Variants in XPR1 observed in about 807,000 individuals in gnomAD.
XPR1 encodes solute carrier family 53 member 1.
XPR1 carries 28 observed loss-of-function variants against 87.5 expected under a neutral mutation model. That is an observed-to-expected ratio of 0.32 (90% CI 0.24 to 0.44). The LOEUF is 0.44. Ranked by LOEUF, XPR1 falls within the 20% of genes least tolerant of loss-of-function variation. XPR1 has a pLI of 1.00. For missense variants in XPR1, 559 were observed against 862.3 expected, an observed-to-expected ratio of 0.65 and a Z score of 4.41; for synonymous variants, 300 against 306.1, an observed-to-expected ratio of 0.98 and a Z score of 0.21.
intron 1 of XPR1, among the ~76,000 whole-genome samples, chr1:180,653,461 T>G (rs1655356086): frequency 6.6e-6 from 1 of 152,194 alleles, no homozygotes; most frequent in Non-Finnish European, 1.5e-5. Flanking sequence ...TTCTGTTGTC[T>G]TTCTCAAAGA....
intron 3 of XPR1, among the ~76,000 whole-genome samples, chr1:180,791,978 T>C (rs1222333812): frequency 2.0e-5 from 3 of 152,238 alleles, no homozygotes; most frequent in Non-Finnish European, 4.4e-5. Flanking sequence ...CGTCTCTTGA[T>C]GTCCTCACTG....
At chr1:180,692,002 CT>C (rs899458583) in intron 2 of XPR1, among the ~76,000 whole-genome samples, 4 of 152,078 alleles carry the variant, frequency 2.6e-5, no homozygotes, top group African/African-American at 9.7e-5. Context: ...ATCTTGTCCC[CT>C]CTCCCCAGTT....
intron 1 of XPR1, among the ~76,000 whole-genome samples, chr1:180,659,372 C>T (rs1213148710): frequency 5.9e-5 from 6 of 101,118 alleles, no homozygotes; most frequent in South Asian, 7.9e-4. Context: ...TCCTTCCGTC[C>T]GTCCTTCCGT....
intron 1 of XPR1, among the ~76,000 whole-genome samples, chr1:180,670,211 T>G (rs892178100): frequency 3.9e-5 from 6 of 152,192 alleles, no homozygotes; most frequent in African/African-American, 1.4e-4. Flanking sequence ...CATTGGAGAA[T>G]TTAATTCATT....
At chr1:180,738,183 T>C (rs1181191056) in intron 2 of XPR1, among the ~76,000 whole-genome samples, 1 of 152,096 alleles carries the variant, frequency 6.6e-6, no homozygotes, top group Non-Finnish European at 1.5e-5. Flanking sequence ...AACTAATTTT[T>C]GTATTTTTAG....
At chr1:180,795,772 A>G (rs1252384515) in intron 3 of XPR1, among the ~76,000 whole-genome samples, 1 of 152,126 alleles carries the variant, frequency 6.6e-6, no homozygotes, top group East Asian at 1.9e-4. Context: ...ACATATGTAA[A>G]AAGAGCCCTG....
rs1653053688 is a variant in XPR1 at position 180,887,583 on chromosome 1, A to C, written c.*3517A>C. 6.6e-6 allele frequency: 1 copy of C among 152,252 alleles called. No individual in the cohort carries two copies. Among genetic ancestry groups the C allele is most frequent in the Non-Finnish European group, 1.5e-5 (1 of 68,032 alleles). The allele number at this position is 152,252 out of a possible 1,614,324, so 9.4% of individuals were successfully genotyped here. ...ATTTGTAAGATTGGAAAGTAGTCAA[A>C]AACCCATGTGCAACTTTTTTTCAGC... On this transcript the variant is annotated 3_prime_UTR_variant, in exon 15 of 15. Transcript: ENST00000367590.
intron 1 of XPR1, among the ~76,000 whole-genome samples, chr1:180,656,417 A>ACAT (rs1655483488): frequency 1.3e-5 from 1 of 74,652 alleles, no homozygotes; most frequent in Non-Finnish European, 2.3e-5. Context: ...ATATATTTAT[A>ACAT]TATAAATATT....
chr1:180,797,273 C>G (rs1649621272), intron 3 of XPR1, among the ~76,000 whole-genome samples: 1 of 152,102 alleles, frequency 6.6e-6, no homozygotes. Flanking sequence ...CAAACATAAA[C>G]AAAGAATTAT....
chr1:180,661,514 T>G (rs1314798193), intron 1 of XPR1, among the ~76,000 whole-genome samples: 1 of 122,344 alleles, frequency 8.2e-6, no homozygotes, highest in Non-Finnish European at 1.8e-5. Flanking sequence ...TGTGTGTGTG[T>G]GTGTGGTATG....
At chr1:180,708,039 T>C (rs1336873135) in intron 2 of XPR1, among the ~76,000 whole-genome samples, 1 of 152,208 alleles carries the variant, frequency 6.6e-6, no homozygotes, top group African/African-American at 2.4e-5. Flanking sequence ...AAAAGCTGAA[T>C]AGACTATTTA....
In XPR1 at chr1:180,744,654, C is replaced by CT. The variant is rs71121048; in HGVS notation, c.122-43085dup. Among the ~76,000 whole-genome samples the CT allele has an allele frequency of 6.4e-4, 66 of 102,394 alleles. 1 individual carries two copies. The highest frequency in any genetic ancestry group is 2.7e-3 in the East Asian group (9 of 3,274). 67.2% of individuals were successfully genotyped at this position (102,394 alleles called of 152,430 possible). On this transcript the variant is annotated intron_variant, in intron 2 of 14. Coordinates refer to ENST00000367590, the MANE Select transcript of XPR1 (RefSeq NM_004736.4). Reference sequence around the variant, plus strand: ...GTTCAGGTTTAGGCACAATTTCTTTCTTTTTTTTTTTTTTGAGACAGAATC... The same window carrying CT: ...GTTCAGGTTTAGGCACAATTTCTTTCTTTTTTTTTTTTTTTGAGACAGAATC...
chr1:180,632,704 C>T (rs1045274077), intron 1 of XPR1, among the ~76,000 whole-genome samples: 1 of 152,234 alleles, frequency 6.6e-6, no homozygotes, highest in Non-Finnish European at 1.5e-5. Context: ...TTGTTTCTCT[C>T]TCTACACCTC....
chr1:180,874,044 T>C lies in XPR1; in HGVS notation c.1808+102T>C, dbSNP rs867687664. ...ATTATAACTTGTACTTGAAAACCTT[T>C]AATTTTCCAACTTTTCTCAAATTTC... On this transcript the variant is annotated intron_variant, in intron 13 of 14. Coordinates refer to ENST00000367590, the MANE Select transcript of XPR1 (RefSeq NM_004736.4). 3.1e-5 allele frequency: 41 copies of C among 1,315,978 alleles called. No homozygotes were observed. The Middle Eastern group carries it at 5.0e-3, about 160-fold the overall frequency. 81.5% of individuals were successfully genotyped at this position (1,315,978 alleles called of 1,614,324 possible).
chr1:180,645,789 G>A (rs758776382), intron 1 of XPR1, among the ~76,000 whole-genome samples: 12 of 152,232 alleles, frequency 7.9e-5, no homozygotes, highest in South Asian at 2.1e-4. Flanking sequence ...CAGCTAGCCA[G>A]CATTTCTCTG....
At chr1:180,659,240 TCCTTCCTTCCTCCCTCCCTCCCTC>T (rs1655662046) in intron 1 of XPR1, among the ~76,000 whole-genome samples, 1 of 16,182 alleles carries the variant, frequency 6.2e-5, no homozygotes, top group African/African-American at 1.9e-4. Flanking sequence ...CTTCCTTCCT[TCCTTCCTTCCTCCCTCCCTCCCTC>T]CCTCCCTCCC....
chr1:180,764,803 T>TTTTGA (rs397719308), intron 2 of XPR1, among the ~76,000 whole-genome samples: 1 of 147,598 alleles, frequency 6.8e-6, no homozygotes, highest in African/African-American at 2.5e-5. Flanking sequence ...TTTTTTTTTT[T>TTTTGA]GAGACAGGGT....
Position 180,659,234 on chromosome 1 carries a change from CT to C in XPR1, c.70-23124del, listed in dbSNP as rs1655659831. Among the ~76,000 whole-genome samples, 6 of 28,240 alleles carry C rather than the reference CT, an allele frequency of 2.1e-4. 1 individual carries two copies. The highest frequency in any genetic ancestry group is 3.1e-4 in the African/African-American group (3 of 9,638). 18.5% of individuals were successfully genotyped at this position (28,240 alleles called of 152,430 possible). On this transcript the variant is annotated intron_variant, in intron 1 of 14. Coordinates refer to ENST00000367590, the MANE Select transcript of XPR1 (RefSeq NM_004736.4). ...CCTTCCTTCCTTCCTTCCTTCCTTCCTTCCTTCCTTCCTTCCTCCCTCCCTC... is the reference window on the plus strand; with the variant it reads ...CCTTCCTTCCTTCCTTCCTTCCTTCCTCCTTCCTTCCTTCCTCCCTCCCTC...
intron 11 of XPR1, among the ~76,000 whole-genome samples, chr1:180,855,323 C>G (rs1201047933): frequency 6.6e-6 from 1 of 152,020 alleles, no homozygotes; most frequent in East Asian, 1.9e-4. Context: ...GTATTTTGTC[C>G]TTTGTTAACA....
Sources: gnomAD v4.1 joint callset for allele counts (sites outside exome capture counted in the v4.1 genomes callset) on GRCh38, gnomAD v4.1.1 for gene constraint, MANE v1.5 for transcripts, NCBI Gene and HGNC (gene_info 2026-07-23, HGNC 2026-07-21) for gene names.